The following C6orf132 variants were observed in gnomAD, a reference collection of about 807,000 sequenced individuals.
The protein encoded by C6orf132 is chromosome 6 open reading frame 132, also known as uncharacterized protein C6orf132.
Under a neutral mutation model 65.3 loss-of-function variants are expected in C6orf132, and 43 were observed. The ratio of observed to expected loss-of-function variants is 0.66; its 90% CI spans 0.52 to 0.85. The LOEUF is 0.85. Ranked by LOEUF, C6orf132 falls within the 40% of genes least tolerant of loss-of-function variation. The probability of loss-of-function intolerance (pLI) is 0.00; values close to 1 mark genes in which losing one functional copy is unlikely to be tolerated. For synonymous variants in C6orf132, 631 were observed against 654.1 expected (o/e 0.96, Z 0.54); for missense variants, 1,488 against 1,548.8 (o/e 0.96, Z 0.66).
intron 3 of C6orf132, among the ~76,000 whole-genome samples, chr6:42,109,112 A>G (rs1766458579): frequency 6.6e-6 from 1 of 152,134 alleles, no homozygotes; most frequent in Non-Finnish European, 1.5e-5. Flanking sequence ...AAACACCAGC[A>G]GGGGAGGGGT....
rs1169177559 is a variant in C6orf132 at position 42,103,462 on chromosome 6, C to A, written c.*299G>T. The stretch of plus-strand genomic sequence containing the variant: ...ATAACTCTTGCTAAAGCAGATAGTA[C>A]CAGAGAGCAGAAACTCAGCGCCCAG... On this transcript the variant is annotated 3_prime_UTR_variant, in exon 5 of 5. Coordinates refer to ENST00000341865, the MANE Select transcript of C6orf132 (RefSeq NM_001164446.3). The A allele has an allele frequency of 1.0e-5, 4 of 390,462 alleles. No individual in the cohort carries two copies. Among genetic ancestry groups the A allele is most frequent in the Non-Finnish European group, 1.8e-5 (4 of 221,704 alleles). 24.2% of individuals were successfully genotyped at this position (390,462 alleles called of 1,614,324 possible).
At chr6:42,126,309 G>C (rs1766763774) in intron 2 of C6orf132, 1 of 151,310 alleles carries the variant, frequency 6.6e-6, no homozygotes, top group South Asian at 2.1e-4. Flanking sequence ...TTGAACTCCT[G>C]ACCTCATGAT....
chr6:42,108,311 G>T (rs915447564), intron 3 of C6orf132, among the ~76,000 whole-genome samples: 1 of 152,190 alleles, frequency 6.6e-6, no homozygotes, highest in Admixed American at 6.5e-5. Context: ...TACAGCTGTT[G>T]TGAGGATTAA....
Position 42,128,309 on chromosome 6 carries a change from G to A in C6orf132, c.252+363C>T, listed in dbSNP as rs369560999. Among the ~76,000 whole-genome samples, 23 of 152,254 alleles carry A rather than the reference G, an allele frequency of 1.5e-4. No individual in the cohort carries two copies. The South Asian group carries it at 2.3e-3, about 15-fold the overall frequency. On this transcript the variant is annotated intron_variant, in intron 2 of 4. Transcript: ENST00000341865. ...CAGGGAGCTCCTTGAGAACAGCAAGGCTGGCCCAGTCATCTCTGTATCCAG... is the reference window on the plus strand; with the variant it reads ...CAGGGAGCTCCTTGAGAACAGCAAGACTGGCCCAGTCATCTCTGTATCCAG...
At chr6:42,132,718 G>C (rs946584282) in intron 1 of C6orf132, among the ~76,000 whole-genome samples, 1 of 151,178 alleles carries the variant, frequency 6.6e-6, no homozygotes, top group South Asian at 2.1e-4. Flanking sequence ...TGTGGTGGTG[G>C]GCACCTGTAA....
At chr6:42,129,121 G>T (rs531813420) in intron 1 of C6orf132, among the ~76,000 whole-genome samples, 2 of 152,336 alleles carry the variant, frequency 1.3e-5, no homozygotes, top group African/African-American at 4.8e-5. Context: ...CCCGGCTAAG[G>T]GCCCAGCTGA....
chr6:42,131,454 G>C (rs1362847319), intron 1 of C6orf132, among the ~76,000 whole-genome samples: 1 of 152,250 alleles, frequency 6.6e-6, no homozygotes, highest in Non-Finnish European at 1.5e-5. Flanking sequence ...TGAGGCACAA[G>C]GAGGTCAAAT....
intron 1 of C6orf132, among the ~76,000 whole-genome samples, chr6:42,132,965 A>AC (rs1766877475): frequency 6.6e-6 from 1 of 152,144 alleles, no homozygotes; most frequent in Non-Finnish European, 1.5e-5. Context: ...GGGTGGAGGC[A>AC]CAGCATGAGG....
intron 2 of C6orf132, among the ~76,000 whole-genome samples, chr6:42,116,153 C>A (rs1766567884): frequency 6.6e-6 from 1 of 151,920 alleles, no homozygotes; most frequent in Admixed American, 6.6e-5. Context: ...TGGTCTTGAA[C>A]TCCTGAGCTT....
At chr6:42,123,344 C>T (rs1214281925) in intron 2 of C6orf132, among the ~76,000 whole-genome samples, 1 of 150,856 alleles carries the variant, frequency 6.6e-6, no homozygotes, top group East Asian at 2.0e-4. Flanking sequence ...GATCGCACCA[C>T]TGCACTCCAG....
rs547726742 is a variant in C6orf132, at chr6:42,118,951, G to A, written c.253-8660C>T. Among the ~76,000 whole-genome samples the A allele has an allele frequency of 1.5e-4, 20 of 131,850 alleles. No individual in the cohort carries two copies. In the East Asian group the frequency reaches 3.6e-3, roughly 24 times the overall value. The allele number at this position is 131,850 out of a possible 152,430, so 86.5% of individuals were successfully genotyped here. On this transcript the variant is annotated intron_variant, in intron 2 of 4. Coordinates refer to ENST00000341865, the MANE Select transcript of C6orf132 (RefSeq NM_001164446.3). ...TGCAGTGGCAAGATCATAGCTCACCGCAGCCTCAAATTCCTGAGCTCCTGT... is the reference window on the plus strand; with the variant it reads ...TGCAGTGGCAAGATCATAGCTCACCACAGCCTCAAATTCCTGAGCTCCTGT...
chr6:42,107,295 G>A lies in C6orf132; in HGVS notation c.617C>T (p.Pro206Leu), dbSNP rs369558258. Residue 206 changes from proline to leucine, a missense_variant, in exon 4 of 5, where the codon CCA (proline) becomes CTA (leucine). Coordinates refer to ENST00000341865, the MANE Select transcript of C6orf132 (RefSeq NM_001164446.3). ...GAAGTCAGGAGGGGTGGGTATGGAT[G>A]GGGAGGAAAGAGTGTGTGGTGGGGA... ...ALSPPHTLSS[P>L]SIPTPPDFIP... The A allele has an allele frequency of 1.5e-3, 1,988 of 1,369,362 alleles. 34 individuals carry two copies. The African/African-American group carries it at 0.026, about 18-fold the overall frequency. 84.8% of individuals were successfully genotyped at this position (1,369,362 alleles called of 1,614,324 possible).
intron 2 of C6orf132, among the ~76,000 whole-genome samples, chr6:42,121,339 A>C (rs1389772804): frequency 6.6e-6 from 1 of 152,150 alleles, no homozygotes; most frequent in Non-Finnish European, 1.5e-5. Context: ...TGCCCTATTG[A>C]CTGCTAACAT....
Position 42,142,302 on chromosome 6 carries a change from A to T in C6orf132, c.143T>A (p.Phe48Tyr). The change falls in exon 1 of 5, where the codon TTC (phenylalanine) becomes TAC (tyrosine). Residue 48 changes from phenylalanine to tyrosine, a missense_variant and splice_region_variant. Coordinates refer to ENST00000341865, the MANE Select transcript of C6orf132 (RefSeq NM_001164446.3). ...CCCTCCGTCCCCGGAGTACTCACCG[A>T]AGCCCCCGGTCCCCTCCTCCGGGGC... ...QEAPEEGTGG[F>Y]DGIYYGDNRF... 6.5e-7 allele frequency: 1 copy of T among 1,549,712 alleles called. No individual in the cohort carries two copies. The highest frequency in any genetic ancestry group is 8.7e-7 in the Non-Finnish European group (1 of 1,146,448).
At position 42,105,729 on chromosome 6, in the gene C6orf132, G is replaced by A; in HGVS notation, c.2183C>T (p.Pro728Leu). The stretch of plus-strand genomic sequence containing the variant: ...GGACCCCTCTCCCCTTGCCTGGGAG[G>A]GAGTGGAAACTTCTTGAGATGCTGG... ...EKPASQEVST[P>L]SQARGEGSPS... Residue 728 changes from proline to leucine, a missense_variant, in exon 4 of 5, where the codon CCC becomes CTC. Coordinates refer to ENST00000341865, the MANE Select transcript of C6orf132 (RefSeq NM_001164446.3). The A allele has an allele frequency of 6.5e-7, 1 of 1,537,322 alleles. No individual in the cohort carries two copies. The highest frequency in any genetic ancestry group is 1.4e-5 in the African/African-American group (1 of 73,194).
chr6:42,120,055 T>C (rs143686171), intron 2 of C6orf132, among the ~76,000 whole-genome samples: 1 of 151,056 alleles, frequency 6.6e-6, no homozygotes, highest in South Asian at 2.1e-4. Flanking sequence ...GATCATGCCA[T>C]TGCACCCCAG....
Position 42,105,219 on chromosome 6 carries a change from A to C in C6orf132, c.2693T>G (p.Leu898Ter). 6.5e-7 allele frequency: 1 copy of C among 1,537,132 alleles called. No individual in the cohort carries two copies. ...TPNSFTVVPK[L>*]PKEAEKDSPL... is the part of the protein sequence containing the mutation. ...GGAGTCCTTCTCAGCCTCCTTGGGT[A>C]ACTTGGGCACCACAGTGAAGGAGTT... is the stretch of plus-strand genomic sequence containing the variant. Residue 898 changes from leucine (L) to a stop codon, truncating the protein, a stop_gained, in exon 4 of 5, where the codon TTA becomes TGA. Transcript: ENST00000341865. LOFTEE classifies it high-confidence loss of function.
chr6:42,123,119 C>T (rs865961682), intron 2 of C6orf132, among the ~76,000 whole-genome samples: 8 of 152,058 alleles, frequency 5.3e-5, no homozygotes, highest in African/African-American at 9.7e-5. Context: ...CGGTGGCTCA[C>T]GCCCGTAATC....
rs1297918079 is a variant in C6orf132 at position 42,106,553 on chromosome 6, T to C, written c.1359A>G (p.Thr453=). The change falls in exon 4 of 5, where the codon ACA becomes ACG. Residue 453 remains threonine (T), a synonymous_variant. Transcript: ENST00000341865. The stretch of plus-strand genomic sequence containing the variant: ...TCCAGTCCACAGGTGCTGAAGACGC[T>C]GTGTTCTCTGGGCTGGGGGGGTTGG... ...PKPNPPSPEN[T]ASSAPVDWRD... 1 of 1,534,438 alleles carries C rather than the reference T, an allele frequency of 6.5e-7. No homozygotes were observed. Among genetic ancestry groups the C allele is most frequent in the Non-Finnish European group, 8.7e-7 (1 of 1,146,034 alleles).
Sources: allele counts gnomAD v4.1 joint callset (sites outside exome capture counted in the v4.1 genomes callset), GRCh38; gene constraint gnomAD v4.1.1; transcripts MANE v1.5; gene names NCBI Gene and HGNC (gene_info 2026-07-23, HGNC 2026-07-21).